The following LDB3 variants were observed in gnomAD, a reference collection of about 807,000 sequenced individuals.
LDB3 encodes the protein LIM domain-binding protein 3.
LDB3 carries 49 observed loss-of-function variants against 69.0 expected under a neutral mutation model. That is an observed-to-expected ratio of 0.71 (90% confidence interval 0.56 to 0.90). LDB3 has a LOEUF of 0.90. Among genes scored for constraint, LDB3 ranks in the 40% least tolerant of loss-of-function variants. LDB3 has a pLI of 0.00. For missense variants in LDB3, 928 were observed against 974.1 expected (o/e 0.95, Z 0.63); for synonymous variants, 387 against 396.2 (o/e 0.98, Z 0.28).
intron 2 of LDB3, among the ~76,000 whole-genome samples, chr10:86,671,373 T>C (rs1373031642): frequency 6.6e-6 from 1 of 152,138 alleles, no homozygotes; most frequent in Non-Finnish European, 1.5e-5. Flanking sequence ...ACCTGCAGGC[T>C]GGGTGGTGGC....
intron 12 of LDB3, among the ~76,000 whole-genome samples, chr10:86,722,598 C>T (rs1298482121): frequency 2.1e-5 from 2 of 95,608 alleles, no homozygotes; most frequent in African/African-American, 8.2e-5. Flanking sequence ...CAGAGTCTTG[C>T]TCTGTCACCC....
At chr10:86,697,500 C>T (rs1846054937) in intron 7 of LDB3, among the ~76,000 whole-genome samples, 2 of 149,920 alleles carry the variant, frequency 1.3e-5, no homozygotes, top group South Asian at 4.2e-4. Flanking sequence ...GGATTACAGG[C>T]GTGAGCCGCC....
Position 86,733,664 on chromosome 10 carries a change from G to A in LDB3, c.*688G>A, listed in dbSNP as rs968247034. 5 of 152,270 alleles carry A rather than the reference G, an allele frequency of 3.3e-5. No individual in the cohort carries two copies. Among genetic ancestry groups the A allele is most frequent in the African/African-American group, 1.2e-4 (5 of 41,440 alleles). The allele number at this position is 152,270 out of a possible 1,614,324, so 9.4% of individuals were successfully genotyped here. On this transcript the variant is annotated 3_prime_UTR_variant, in exon 14 of 14. Coordinates refer to ENST00000361373, the MANE Select transcript of LDB3 (RefSeq NM_007078.3). ...AGGTTGCAGACAGCTGAGAAAAGAT[G>A]GCCCTGTCAGCCACCCTCTCTCAGT...
intron 7 of LDB3, among the ~76,000 whole-genome samples, chr10:86,695,177 C>T (rs1051790804): frequency 2.6e-5 from 4 of 152,032 alleles, no homozygotes; most frequent in Non-Finnish European, 4.4e-5. Context: ...AGAAAGTTAG[C>T]GGGAATGTTG....
chr10:86,697,352 G>T lies in LDB3; in HGVS notation c.896+4781G>T, dbSNP rs187122559. ...TTCTCCTGCCTCAGCCTCCTGAGTA[G>T]CTGGGATTACAGGCATGTGACACCA... On this transcript the variant is annotated intron_variant, in intron 7 of 13. Transcript: ENST00000361373. Among the ~76,000 whole-genome samples the T allele has an allele frequency of 6.0e-3, 894 of 149,884 alleles. 8 individuals carry two copies. Among genetic ancestry groups the T allele is most frequent in the African/African-American group, 0.021 (844 of 40,690 alleles).
chr10:86,668,635 C>G, intron 1 of LDB3, 34 bp from the exon 2 acceptor site: 2 of 1,352,004 alleles, frequency 1.5e-6, no homozygotes, highest in African/African-American at 1.4e-5. Context: ...CCTGAGTGCC[C>G]TCTCACTCAA....
chr10:86,693,478 C>G (rs767561298), intron 7 of LDB3, among the ~76,000 whole-genome samples: 1 of 152,260 alleles, frequency 6.6e-6, no homozygotes, highest in Non-Finnish European at 1.5e-5. Context: ...AGGCCCAACA[C>G]TCAGTGGCCA....
Position 86,679,355 on chromosome 10 carries a change from C to T in LDB3, c.94-12C>T, listed in dbSNP as rs754778697. 1.3e-5 allele frequency: 21 copies of T among 1,614,172 alleles called. No homozygotes were observed. The highest frequency in any genetic ancestry group is 1.8e-5 in the Non-Finnish European group (21 of 1,180,040). Reference sequence around the variant, plus strand: ...TCCTTATGCTCACCCCCCACCTCCACTATCCAATCAGATCACACCAGGCAG... The same window carrying T: ...TCCTTATGCTCACCCCCCACCTCCATTATCCAATCAGATCACACCAGGCAG... On this transcript the variant is annotated splice_polypyrimidine_tract_variant and intron_variant, in intron 2 of 13. Coordinates refer to ENST00000361373, the MANE Select transcript of LDB3 (RefSeq NM_007078.3).
intron 2 of LDB3, among the ~76,000 whole-genome samples, chr10:86,676,096 C>A (rs1357461203): frequency 6.6e-6 from 1 of 152,252 alleles, no homozygotes; most frequent in African/African-American, 2.4e-5. Flanking sequence ...TAAGAAATCT[C>A]AAGTAGCTCT....
intron 7 of LDB3, among the ~76,000 whole-genome samples, chr10:86,706,016 C>T (rs985845450): frequency 6.6e-6 from 1 of 152,146 alleles, no homozygotes; most frequent in Non-Finnish European, 1.5e-5. Context: ...CTTGTTGGTG[C>T]CCTGAGTCCT....
At chr10:86,728,039 C>T (rs1390783345) in intron 13 of LDB3, among the ~76,000 whole-genome samples, 4 of 152,076 alleles carry the variant, frequency 2.6e-5, no homozygotes, top group Non-Finnish European at 4.4e-5. Context: ...ACATCCCCTC[C>T]AAAAAGAGAC....
At chr10:86,694,198 G>T (rs1564644823) in intron 7 of LDB3, among the ~76,000 whole-genome samples, 1 of 152,220 alleles carries the variant, frequency 6.6e-6, no homozygotes, top group African/African-American at 2.4e-5. Flanking sequence ...TGAGTGAGGA[G>T]AGCACAAAGG....
At position 86,726,170 on chromosome 10, in the gene LDB3, G is replaced by A. The variant is rs1208284725; in HGVS notation, c.2012G>A (p.Gly671Asp). Residue 671 changes from glycine (G) to aspartate (D), a missense_variant, in exon 13 of 14, where the codon GGC (glycine) becomes GAC (aspartate). Coordinates refer to ENST00000361373, the MANE Select transcript of LDB3 (RefSeq NM_007078.3). ...AATCTGTTCAGCACCAAGTGCCATG[G>A]CTGCGATTTCCCCGTGGAGGCTGGC... Reference protein sequence around the residue: ...YINLFSTKCHGCDFPVEAGDK... With the variant: ...YINLFSTKCHDCDFPVEAGDK... 6.2e-7 allele frequency: 1 copy of A among 1,613,996 alleles called. No individual in the cohort carries two copies. Among genetic ancestry groups the A allele is most frequent in the Non-Finnish European group, 8.5e-7 (1 of 1,180,010 alleles).
rs768313451 is a variant in LDB3, at chr10:86,716,463, C to T, written c.1368C>T (p.Ser456=). The change falls in exon 10 of 14, where the codon TCC becomes TCT. Residue 456 remains serine, a synonymous_variant. Transcript: ENST00000361373. ...CACCTGTCCCCACCTACACTCCATC[C>T]CCAGCACCAGCCTATACCCCCTCAC... ...TPSPVPTYTP[S]PAPAYTPSPA... 3.7e-6 allele frequency: 6 copies of T among 1,606,248 alleles called. No homozygotes were observed. Among genetic ancestry groups the T allele is most frequent in the Non-Finnish European group, 5.1e-6 (6 of 1,177,008 alleles).
chr10:86,672,608 G>T (rs1772348115), intron 2 of LDB3, among the ~76,000 whole-genome samples: 1 of 149,116 alleles, frequency 6.7e-6, no homozygotes, highest in African/African-American at 2.5e-5. Flanking sequence ...CTTCAGTGGG[G>T]CTGGCAGGGG....
At chr10:86,689,233 A>G (rs1189008778) in intron 5 of LDB3, among the ~76,000 whole-genome samples, 1 of 151,862 alleles carries the variant, frequency 6.6e-6, no homozygotes, top group Non-Finnish European at 1.5e-5. Flanking sequence ...ACGCGCACTC[A>G]CGGCTGGGTT....
chr10:86,698,265 A>G (rs759532564), intron 7 of LDB3, among the ~76,000 whole-genome samples: 3 of 152,268 alleles, frequency 2.0e-5, no homozygotes, highest in South Asian at 2.1e-4. Context: ...GAGTGTCCCA[A>G]TAGTTCATCT....
rs901009545 is a variant in LDB3 at position 86,687,285 on chromosome 10, C to T, written c.690-4611C>T. On this transcript the variant is annotated intron_variant, in intron 5 of 13. Coordinates refer to ENST00000361373, the MANE Select transcript of LDB3 (RefSeq NM_007078.3). ...GTGACTTCAGTGGGTAAGCGCCTCC[C>T]TCCTCCACCGCCACTCAGTGCCTCC... The T allele has an allele frequency of 1.2e-5, 19 of 1,612,878 alleles. No individual in the cohort carries two copies. The highest frequency in any genetic ancestry group is 3.3e-4 in the Middle Eastern group (2 of 6,056).
At chr10:86,674,477 G>T (rs1047131338) in intron 2 of LDB3, among the ~76,000 whole-genome samples, 1 of 152,148 alleles carries the variant, frequency 6.6e-6, no homozygotes, top group Non-Finnish European at 1.5e-5. Context: ...AAGGGCTCCT[G>T]GGGGCAGGGA....
Sources: gnomAD v4.1 joint callset for allele counts (sites outside exome capture counted in the v4.1 genomes callset) on GRCh38, gnomAD v4.1.1 for gene constraint, MANE v1.5 for transcripts, NCBI Gene and HGNC (gene_info 2026-07-23, HGNC 2026-07-21) for gene names.